KIRREL3: variants seen among roughly 807,000 people sequenced by gnomAD.
The protein encoded by KIRREL3 is kirre like nephrin family adhesion molecule 3.
Under a neutral mutation model 89.7 loss-of-function variants are expected in KIRREL3, and 36 were observed. The ratio of observed to expected loss-of-function variants is 0.40; its 90% CI spans 0.31 to 0.53. The LOEUF (loss-of-function observed/expected upper bound fraction) is 0.53, where lower values mean the gene tolerates loss of function less well. KIRREL3 is among the 20% of genes least tolerant of loss of function. KIRREL3 has a pLI of 0.49. For synonymous variants in KIRREL3, 445 were observed against 441.4 expected, an observed-to-expected ratio of 1.01 and a Z score of -0.10; for missense variants, 864 against 1,056.6, an observed-to-expected ratio of 0.82 and a Z score of 2.53.
rs562363490 is a variant in KIRREL3, at chr11:126,622,059, G to A, written c.56-59147C>T. Among the ~76,000 whole-genome samples the A allele has an allele frequency of 1.3e-5, 2 of 152,282 alleles. No homozygotes were observed. Among genetic ancestry groups the A allele is most frequent in the African/African-American group, 4.8e-5 (2 of 41,560 alleles). On this transcript the variant is annotated intron_variant, in intron 1 of 16. Transcript: ENST00000525144. This position sits in a 1 kb window ranked among gnomAD's most constrained non-coding sequence, Gnocchi z 5.2. ...GTGCTGCCCATGGGCTGGGTGAATG[G>A]TGGTGGGTGTGGTAATGGGGCATTG...
rs576051284 is a variant in KIRREL3 at position 126,686,534 on chromosome 11, T to G, written c.56-123622A>C. Among the ~76,000 whole-genome samples the G allele has an allele frequency of 6.6e-6, 1 of 152,268 alleles. No individual in the cohort carries two copies. The highest frequency in any genetic ancestry group is 2.1e-4 in the South Asian group (1 of 4,818). On this transcript the variant is annotated intron_variant, in intron 1 of 16. Coordinates refer to ENST00000525144, the MANE Select transcript of KIRREL3 (RefSeq NM_032531.4). The surrounding 1 kb of genome is among the most constrained non-coding windows in gnomAD (Gnocchi z 4.7). ...CTGAGCGGGGAGGGTGGGGAGGGAC[T>G]GTGCGTTCCTGCGCATGTTACCCTA...
intron 6 of KIRREL3, among the ~76,000 whole-genome samples, chr11:126,460,305 G>GT (rs1000611370): frequency 9.8e-5 from 15 of 152,324 alleles, no homozygotes; most frequent in African/African-American, 3.1e-4. Context: ...CAGCTGGTAG[G>GT]TGTGGGGCAC....
chr11:126,967,655 C>G (rs1211170477), intron 1 of KIRREL3, among the ~76,000 whole-genome samples: 4 of 152,038 alleles, frequency 2.6e-5, no homozygotes, highest in Non-Finnish European at 5.9e-5. Flanking sequence ...GCAATGTTCA[C>G]TCAAGCCCAA....
At position 126,430,471 on chromosome 11, in the gene KIRREL3, A is replaced by G. The variant is rs1955090262; in HGVS notation, c.1696+948T>C. Among the ~76,000 whole-genome samples, 1 of 152,052 alleles carries G rather than the reference A, an allele frequency of 6.6e-6. No individual in the cohort carries two copies. The highest frequency in any genetic ancestry group is 2.1e-4 in the South Asian group (1 of 4,836). Reference sequence around the variant, plus strand: ...AAAAAAACCGTATATATATGTGTATATATGCGTATGTGTATATATTTGTAT... The same window carrying G: ...AAAAAAACCGTATATATATGTGTATGTATGCGTATGTGTATATATTTGTAT... On this transcript the variant is annotated intron_variant, in intron 14 of 16. Transcript: ENST00000525144. This position sits in a 1 kb window ranked among gnomAD's most constrained non-coding sequence, Gnocchi z 6.6.
Position 126,909,512 on chromosome 11 carries a change from G to A in KIRREL3, c.55+90943C>T, listed in dbSNP as rs1295072004. Reference sequence around the variant, plus strand: ...AGGGCATGGCTCTGAGGATGAGAGAGTGCTCTGAGTTGAGATACACCGCCC... The same window carrying A: ...AGGGCATGGCTCTGAGGATGAGAGAATGCTCTGAGTTGAGATACACCGCCC... On this transcript the variant is annotated intron_variant, in intron 1 of 16. Transcript: ENST00000525144. This position sits in a 1 kb window ranked among gnomAD's most constrained non-coding sequence, Gnocchi z 4.5. Among the ~76,000 whole-genome samples, 1 of 152,168 alleles carries A rather than the reference G, an allele frequency of 6.6e-6. No individual in the cohort carries two copies. The highest frequency in any genetic ancestry group is 1.5e-5 in the Non-Finnish European group (1 of 68,044).
intron 1 of KIRREL3, among the ~76,000 whole-genome samples, chr11:126,866,270 G>A (rs1269203752): frequency 1.3e-5 from 2 of 152,198 alleles, no homozygotes; most frequent in Non-Finnish European, 2.9e-5. Context: ...TGTCTTGCAG[G>A]GAGATGCTGC....
At chr11:126,712,435 C>G (rs550706527) in intron 1 of KIRREL3, among the ~76,000 whole-genome samples, 14 of 152,362 alleles carry the variant, frequency 9.2e-5, no homozygotes, top group East Asian at 3.9e-4. Context: ...AAGGCCACGC[C>G]TCTTCAATCT....
chr11:126,572,160 TAGAAGGACCA>T (rs1565561386), intron 1 of KIRREL3, among the ~76,000 whole-genome samples: 1 of 152,154 alleles, frequency 6.6e-6, no homozygotes. Flanking sequence ...TCCTTATTTC[TAGAAGGACCA>T]AGAGTTCCCA....
rs1056003469 is a variant in KIRREL3, at chr11:126,485,283, T to G, written c.434-11817A>C. Among the ~76,000 whole-genome samples the G allele has an allele frequency of 6.6e-6, 1 of 152,166 alleles. No homozygotes were observed. Among genetic ancestry groups the G allele is most frequent in the African/African-American group, 2.4e-5 (1 of 41,430 alleles). ...CAGAGGAAGGTGTGCTGGAGGCTGT[T>G]TCAGTTCTGCTCCTAACCTGGGGGT... On this transcript the variant is annotated intron_variant, in intron 4 of 16. Coordinates refer to ENST00000525144, the MANE Select transcript of KIRREL3 (RefSeq NM_032531.4). This position sits in a 1 kb window ranked among gnomAD's most constrained non-coding sequence, Gnocchi z 5.8.
At chr11:126,982,924 A>G (rs1052643407) in intron 1 of KIRREL3, among the ~76,000 whole-genome samples, 3 of 152,220 alleles carry the variant, frequency 2.0e-5, no homozygotes, top group African/African-American at 7.2e-5. Flanking sequence ...GCCAAAGTAA[A>G]TTGCTGTTAA....
At chr11:126,695,469 T>C (rs1011073172) in intron 1 of KIRREL3, among the ~76,000 whole-genome samples, 3 of 150,250 alleles carry the variant, frequency 2.0e-5, no homozygotes, top group African/African-American at 4.9e-5. Context: ...CTCCATGTGA[T>C]TGGTAAAGTT....
intron 1 of KIRREL3, among the ~76,000 whole-genome samples, chr11:126,785,154 G>A (rs115399508): frequency 0.036 from 5,498 of 152,208 alleles, 317 homozygotes; most frequent in African/African-American, 0.12. Context: ...GGTGCGGGCC[G>A]GGAGAGTGAT....
rs1221989288 is a variant in KIRREL3 at position 126,996,043 on chromosome 11, C to T, written c.55+4412G>A. Among the ~76,000 whole-genome samples the T allele has an allele frequency of 6.6e-6, 1 of 152,166 alleles. No homozygotes were observed. Among genetic ancestry groups the T allele is most frequent in the African/African-American group, 2.4e-5 (1 of 41,440 alleles). On this transcript the variant is annotated intron_variant, in intron 1 of 16. Transcript: ENST00000525144. This position sits in a 1 kb window ranked among gnomAD's most constrained non-coding sequence, Gnocchi z 4.7. ...TGACCCCACCCCACTCGTCCTCCCC[C>T]TAGGGACTTTCTTTTCCATCCTCAA...
In KIRREL3 at chr11:126,605,583, T is replaced by A. The variant is rs1440861211; in HGVS notation, c.56-42671A>T. On this transcript the variant is annotated intron_variant, in intron 1 of 16. Coordinates refer to ENST00000525144, the MANE Select transcript of KIRREL3 (RefSeq NM_032531.4). This position sits in a 1 kb window ranked among gnomAD's most constrained non-coding sequence, Gnocchi z 5.7. ...TCTGCTCACAGCCTGTGCTGGGCAC[T>A]TCATTTCCCAGAGACAACCGGCGCG... Among the ~76,000 whole-genome samples the A allele has an allele frequency of 6.6e-6, 1 of 152,238 alleles. No homozygotes were observed. Among genetic ancestry groups the A allele is most frequent in the Non-Finnish European group, 1.5e-5 (1 of 68,048 alleles).
In KIRREL3 at chr11:126,523,657, G is replaced by C. The variant is rs1337950704; in HGVS notation, c.284-2193C>G. On this transcript the variant is annotated intron_variant, in intron 3 of 16. Coordinates refer to ENST00000525144, the MANE Select transcript of KIRREL3 (RefSeq NM_032531.4). The surrounding 1 kb of genome is among the most constrained non-coding windows in gnomAD (Gnocchi z 4.9). ...GGAATGAGCCCAGGTAAGTTAAGCTGTCTCCCCCCAGGGCCAGGAGAGGGG... is the reference window on the plus strand; with the variant it reads ...GGAATGAGCCCAGGTAAGTTAAGCTCTCTCCCCCCAGGGCCAGGAGAGGGG... Among the ~76,000 whole-genome samples, 1 of 152,044 alleles carries C rather than the reference G, an allele frequency of 6.6e-6. No homozygotes were observed. The highest frequency in any genetic ancestry group is 1.5e-5 in the Non-Finnish European group (1 of 68,010).
intron 1 of KIRREL3, among the ~76,000 whole-genome samples, chr11:126,834,694 T>G (rs886733685): frequency 1.3e-5 from 2 of 152,358 alleles, no homozygotes; most frequent in East Asian, 3.9e-4. Context: ...AGCAACATCC[T>G]TGAAGGCCTT....
rs961180575 is a variant in KIRREL3 at position 126,609,393 on chromosome 11, A to G, written c.56-46481T>C. On this transcript the variant is annotated intron_variant, in intron 1 of 16. Coordinates refer to ENST00000525144, the MANE Select transcript of KIRREL3 (RefSeq NM_032531.4). This position sits in a 1 kb window ranked among gnomAD's most constrained non-coding sequence, Gnocchi z 5.0. ...TGATTTCCTTTCGTCTCTCCTGAGT[A>G]TGACAACTGTGGTTAAGCAACCAGA... Among the ~76,000 whole-genome samples, 1 of 152,178 alleles carries G rather than the reference A, an allele frequency of 6.6e-6. No individual in the cohort carries two copies. The highest frequency in any genetic ancestry group is 2.4e-5 in the African/African-American group (1 of 41,442).
chr11:126,859,169 T>C (rs1427945498), intron 1 of KIRREL3, among the ~76,000 whole-genome samples: 3 of 152,210 alleles, frequency 2.0e-5, no homozygotes, highest in African/African-American at 7.2e-5. Flanking sequence ...AGAAGCCCTG[T>C]CCTTGGTTCC....
In KIRREL3 at chr11:126,679,381, A is replaced by G. The variant is rs186398068; in HGVS notation, c.56-116469T>C. 4.3e-3 allele frequency among the ~76,000 whole-genome samples: 656 copies of G among 152,308 alleles called. 2 individuals are homozygous for G. Among genetic ancestry groups the G allele is most frequent in the Non-Finnish European group, 6.8e-3 (466 of 68,030 alleles). ...ATACCTACATAATCTAAATGGCTCC[A>G]TTTATTGAGCAGCATATGCGTGTCC... On this transcript the variant is annotated intron_variant, in intron 1 of 16. Coordinates refer to ENST00000525144, the MANE Select transcript of KIRREL3 (RefSeq NM_032531.4).
Sources: gnomAD v4.1 joint callset for allele counts (sites outside exome capture counted in the v4.1 genomes callset) on GRCh38, gnomAD v4.1.1 for gene constraint, Gnocchi (gnomAD v3.1) non-coding constraint, MANE v1.5 for transcripts, NCBI Gene and HGNC (gene_info 2026-07-23, HGNC 2026-07-21) for gene names.